CC2D2B: variants seen among roughly 807,000 people sequenced by gnomAD.
CC2D2B encodes protein CC2D2B.
Under a neutral mutation model 161.2 loss-of-function variants are expected in CC2D2B, and 128 were observed. The ratio of observed to expected loss-of-function variants is 0.79; its 90% confidence interval spans 0.69 to 0.92. CC2D2B has a LOEUF of 0.92. Among genes scored for constraint, CC2D2B ranks in the 40% least tolerant of loss-of-function variants. The pLI is 0.00. For missense variants in CC2D2B, 1,173 were observed against 1,375.1 expected (o/e 0.85, Z 2.32); for synonymous variants, 391 against 449.8 (o/e 0.87, Z 1.65).
intron 34 of CC2D2B, among the ~76,000 whole-genome samples, chr10:96,029,812 GTTTTGT>G (rs771864460): frequency 1.1e-4 from 12 of 108,632 alleles, no homozygotes; most frequent in Non-Finnish European, 2.1e-4. Context: ...TTTTATTGTT[GTTTTGT>G]TTTTTTTTTT....
At chr10:95,986,122 C>A (rs150754826) in intron 19 of CC2D2B, among the ~76,000 whole-genome samples, 58 of 151,588 alleles carry the variant, frequency 3.8e-4, no homozygotes, top group Non-Finnish European at 5.4e-4. Context: ...AAGCATGTGA[C>A]CTCTGTGACC....
At chr10:95,985,911 C>G (rs948663798) in intron 19 of CC2D2B, among the ~76,000 whole-genome samples, 2 of 152,134 alleles carry the variant, frequency 1.3e-5, no homozygotes, top group African/African-American at 2.4e-5. Flanking sequence ...TCTCCCGTAG[C>G]GCTCCCAGGC....
chr10:95,995,262 C>T lies in CC2D2B; in HGVS notation c.2643-7C>T. 6.7e-7 allele frequency: 1 copy of T among 1,490,208 alleles called. No homozygotes were observed. Among genetic ancestry groups the T allele is most frequent in the Non-Finnish European group, 9.0e-7 (1 of 1,116,654 alleles). The allele number at this position is 1,490,208 out of a possible 1,614,324, so 92.3% of individuals were successfully genotyped here. ...AGGTGTATGTCTCTCTATTGTTTTT[C>T]CTGAAGATCCTTGGATATGCCTACT... On this transcript the variant is annotated splice_polypyrimidine_tract_variant and splice_region_variant and intron_variant, in intron 22 of 34. Transcript: ENST00000646931.
chr10:95,953,718 G>A (rs2076481559), intron 10 of CC2D2B, among the ~76,000 whole-genome samples: 1 of 152,110 alleles, frequency 6.6e-6, no homozygotes, highest in Non-Finnish European at 1.5e-5. Context: ...GCAGCTCTAG[G>A]TTTGGTTAAT....
chr10:95,934,707 G>A (rs2075753741), intron 6 of CC2D2B, among the ~76,000 whole-genome samples: 1 of 152,166 alleles, frequency 6.6e-6, no homozygotes, highest in Non-Finnish European at 1.5e-5. Context: ...CTCACCCTCT[G>A]TGGGCTGCAC....
chr10:95,958,710 G>C (rs2076662522), intron 11 of CC2D2B, among the ~76,000 whole-genome samples: 1 of 151,864 alleles, frequency 6.6e-6, no homozygotes, highest in Admixed American at 6.6e-5. Context: ...TTGAGCAACA[G>C]AAAGAAAAAA....
intron 5 of CC2D2B, among the ~76,000 whole-genome samples, chr10:95,926,848 C>G (rs5000922): frequency 0.085 from 9,028 of 105,768 alleles, 226 homozygotes; most frequent in Non-Finnish European, 0.1. Context: ...GTGTGTGTGT[C>G]TGTGTGTGTG....
At chr10:95,965,073 T>C (rs1357222219) in intron 12 of CC2D2B, among the ~76,000 whole-genome samples, 2 of 152,134 alleles carry the variant, frequency 1.3e-5, no homozygotes, top group African/African-American at 4.8e-5. Context: ...AGCTGCACCA[T>C]TTTACATTCC....
chr10:96,012,410 G>T (rs1427893796), intron 27 of CC2D2B, 43 bp downstream of exon 27: 1 of 709,360 alleles, frequency 1.4e-6, no homozygotes. Context: ...CCATCAAAGA[G>T]GTATGAACTA....
chr10:96,029,259 T>TAGATATAC (rs1209649979), intron 34 of CC2D2B, among the ~76,000 whole-genome samples: 3 of 45,226 alleles, frequency 6.6e-5, no homozygotes, highest in African/African-American at 2.8e-4. Flanking sequence ...TATATATATA[T>TAGATATAC]ATATATATAT....
chr10:95,919,349 C>G (rs1273454622), intron 2 of CC2D2B: 4 of 152,146 alleles, frequency 2.6e-5, no homozygotes, highest in Non-Finnish European at 4.4e-5. Context: ...TTAAGGGGCA[C>G]CCCAAGTCCA....
rs2079015003 is a variant in CC2D2B at position 96,012,037 on chromosome 10, C to A, written c.3046-148C>A. The stretch of plus-strand genomic sequence containing the variant: ...TGAACACATCACCACAGAGAACCTG[C>A]TCATTCTTGGGCAAGTGCAAATGAG... On this transcript the variant is annotated intron_variant, in intron 26 of 34. Coordinates refer to ENST00000646931, the MANE Select transcript of CC2D2B (RefSeq NM_001349008.3). 12 of 514,998 alleles carry A rather than the reference C, an allele frequency of 2.3e-5. No individual in the cohort carries two copies. The South Asian group carries it at 3.7e-4, about 16-fold the overall frequency. 31.9% of individuals were successfully genotyped at this position (514,998 alleles called of 1,614,324 possible).
At chr10:95,983,379 C>A (rs17111260) in intron 18 of CC2D2B, among the ~76,000 whole-genome samples, 12 of 152,026 alleles carry the variant, frequency 7.9e-5, no homozygotes, top group Non-Finnish European at 1.2e-4. Context: ...GTGTTCAGTG[C>A]GAATATTTTC....
chr10:95,952,857 CAT>C (rs1399412278), intron 10 of CC2D2B, among the ~76,000 whole-genome samples: 1 of 152,002 alleles, frequency 6.6e-6, no homozygotes, highest in Non-Finnish European at 1.5e-5. Flanking sequence ...TATTTGAACA[CAT>C]ATATGAAAAC....
intron 17 of CC2D2B, 103 bp downstream of exon 17, chr10:95,974,259 T>A: frequency 3.7e-6 from 2 of 535,138 alleles, no homozygotes; most frequent in Non-Finnish European, 5.7e-6. Flanking sequence ...ATAGGAAGAG[T>A]TTAGTCTATT....
At chr10:95,958,934 T>C (rs1423047404) in intron 11 of CC2D2B, among the ~76,000 whole-genome samples, 3 of 151,934 alleles carry the variant, frequency 2.0e-5, no homozygotes, top group Admixed American at 1.3e-4. Flanking sequence ...TGGATAAAAA[T>C]TGATAAACTC....
chr10:96,019,292 G>T lies in CC2D2B; in HGVS notation c.3720G>T (p.Pro1240=), dbSNP rs376310403. ...GCCAATGTTATAAGCAGTTTGACCCGTTTTGTCCCTTAAAAAGTGTAGATT... is the reference window on the plus strand; with the variant it reads ...GCCAATGTTATAAGCAGTTTGACCCTTTTTGTCCCTTAAAAAGTGTAGATT... ...STGQCYKQFD[P]FCPLKSVDCL... Residue 1240 remains proline (P), a synonymous_variant, in exon 31 of 35, where the codon CCG becomes CCT. Coordinates refer to ENST00000646931, the MANE Select transcript of CC2D2B (RefSeq NM_001349008.3). 7.4e-6 allele frequency: 12 copies of T among 1,611,798 alleles called. No individual in the cohort carries two copies. The highest frequency in any genetic ancestry group is 1.6e-4 in the Middle Eastern group (1 of 6,066).
rs1373851701 is a variant in CC2D2B at position 96,033,432 on chromosome 10, T to C, written c.*1424T>C. ...GAAAACTGATCAGAATTTTTACTTT[T>C]ATTTGAATGTTTTTGTTTAAATTTA... On this transcript the variant is annotated 3_prime_UTR_variant, in exon 35 of 35. Coordinates refer to ENST00000646931, the MANE Select transcript of CC2D2B (RefSeq NM_001349008.3). 1.3e-5 allele frequency among the ~76,000 whole-genome samples: 2 copies of C among 152,232 alleles called. No individual in the cohort carries two copies. The highest frequency in any genetic ancestry group is 4.8e-5 in the African/African-American group (2 of 41,464).
At chr10:95,926,233 T>C (rs973058363) in intron 5 of CC2D2B, among the ~76,000 whole-genome samples, 4 of 152,210 alleles carry the variant, frequency 2.6e-5, no homozygotes, top group East Asian at 1.9e-4. Flanking sequence ...GGTCAATCCA[T>C]TGAGTATCAG....
Sources: allele counts gnomAD v4.1 joint callset (sites outside exome capture counted in the v4.1 genomes callset), GRCh38; gene constraint gnomAD v4.1.1; transcripts MANE v1.5; gene names NCBI Gene and HGNC (gene_info 2026-07-23, HGNC 2026-07-21).